LRP4: variants seen among roughly 807,000 people sequenced by gnomAD.
The protein encoded by LRP4 is LDL receptor related protein 4.
LRP4 carries 95 observed loss-of-function variants against 220.3 expected under a neutral mutation model. The ratio of observed to expected loss-of-function variants is 0.43; its 90% CI spans 0.37 to 0.51. LRP4 has a LOEUF of 0.51. LRP4 is among the 20% of genes least tolerant of loss of function. The pLI, the probability that LRP4 is intolerant of heterozygous loss-of-function variation, is 0.00. For missense variants in LRP4, 1,925 were observed against 2,567.0 expected, an observed-to-expected ratio of 0.75 and a Z score of 5.40; for synonymous variants, 903 against 954.6, an observed-to-expected ratio of 0.95 and a Z score of 1.00.
At chr11:46,916,275 GA>G (rs200125265) in intron 1 of LRP4, among the ~76,000 whole-genome samples, 2 of 149,494 alleles carry the variant, frequency 1.3e-5, no homozygotes, top group East Asian at 2.0e-4. Flanking sequence ...CCCATCTCTA[GA>G]AAAAAAAACA....
rs542223458 is a variant in LRP4, at chr11:46,900,051, G to A, written c.317-75C>T. 1.6e-5 allele frequency: 20 copies of A among 1,263,986 alleles called. 1 individual carries two copies. The highest frequency in any genetic ancestry group is 1.4e-4 in the East Asian group (6 of 43,090). The allele number at this position is 1,263,986 out of a possible 1,614,324, so 78.3% of individuals were successfully genotyped here. On this transcript the variant is annotated intron_variant, in intron 3 of 37. Coordinates refer to ENST00000378623, the MANE Select transcript of LRP4 (RefSeq NM_002334.4). Reference sequence around the variant, plus strand: ...CTGGAAGCCTGACTTAAAGCCCTCCGGAGCAGTCAAGTAGCTCCAGTGCTG... The same window carrying A: ...CTGGAAGCCTGACTTAAAGCCCTCCAGAGCAGTCAAGTAGCTCCAGTGCTG...
chr11:46,879,349 A>G, intron 20 of LRP4, 34 bp from the exon 21 acceptor site: 1 of 1,610,492 alleles, frequency 6.2e-7, no homozygotes, highest in Middle Eastern at 1.7e-4. Flanking sequence ...CATCTTCAAC[A>G]AAGTCTGACA....
chr11:46,880,372 A>G (rs1281798562), intron 20 of LRP4, among the ~76,000 whole-genome samples: 7 of 151,520 alleles, frequency 4.6e-5, no homozygotes, highest in Non-Finnish European at 8.8e-5. Context: ...AGGTCAAAGC[A>G]GGAGGATTGC....
intron 7 of LRP4, 64 bp from the exon 8 acceptor site, chr11:46,897,058 C>T: frequency 6.2e-7 from 1 of 1,608,910 alleles, no homozygotes; most frequent in South Asian, 1.1e-5. Flanking sequence ...TCCCTGCCAC[C>T]CAAATCTGCA....
chr11:46,874,911 T>C lies in LRP4; in HGVS notation c.4118A>G (p.Asp1373Gly), dbSNP rs752338560. ...SIRRISLDTS[D>G]HTDVHVPVPE... The stretch of plus-strand genomic sequence containing the variant: ...AACAGGGACATGCACATCGGTGTGG[T>C]CACTGGTGTCCAGTGAGATACGCCG... The change falls in exon 28 of 38, where the codon GAC becomes GGC. Residue 1373 changes from aspartate (D) to glycine (G), a missense_variant. Physicochemically the swap from Asp to Gly is moderately conservative, Grantham distance 94. This residue lies in a region of LRP4 where 1,244 missense variants were observed against 1,624.9 expected (regional missense o/e 0.77). Transcript: ENST00000378623. 1.5e-5 allele frequency: 24 copies of C among 1,614,008 alleles called. No homozygotes were observed. The highest frequency in any genetic ancestry group is 2.0e-5 in the Non-Finnish European group (24 of 1,180,024).
chr11:46,885,902 T>C (rs1374016957), intron 18 of LRP4, among the ~76,000 whole-genome samples, 189 bp downstream of exon 18: 2 of 151,976 alleles, frequency 1.3e-5, no homozygotes, highest in East Asian at 3.9e-4. Context: ...GCTGCCACAA[T>C]GTGAGCTTCT....
intron 16 of LRP4, 37 bp from the exon 17 acceptor site, chr11:46,886,570 C>G: frequency 6.4e-7 from 1 of 1,559,164 alleles, no homozygotes; most frequent in Non-Finnish European, 8.8e-7. Context: ...TTTTAATGCT[C>G]TAAATCCAAG....
In LRP4 at chr11:46,902,805, G is replaced by T; in HGVS notation, c.177C>A (p.Asp59Glu). The change falls in exon 2 of 38, where the codon GAC (aspartate) becomes GAA (glutamate). Residue 59 changes from aspartate to glutamate, a missense_variant. Asp to Glu is a conservative substitution (Grantham distance 45). Transcript: ENST00000378623. ...WQCDGDNDCG[D>E]HSDEDGCILP... ...TACTACATCCATCCTCATCGCTGTG[G>T]TCCCCGCAGTCATTGTCTCCATCAC... The T allele has an allele frequency of 2.5e-6, 4 of 1,614,084 alleles. No individual in the cohort carries two copies. Among genetic ancestry groups the T allele is most frequent in the Non-Finnish European group, 3.4e-6 (4 of 1,180,038 alleles).
chr11:46,877,240 G>T lies in LRP4; in HGVS notation c.3236C>A (p.Thr1079Asn), dbSNP rs1381410610. 1.2e-6 allele frequency: 2 copies of T among 1,613,970 alleles called. No homozygotes were observed. The highest frequency in any genetic ancestry group is 2.7e-5 in the African/African-American group (2 of 75,014). ...FADVVVPINITMKNTIAIGVD... is the reference protein window; with the variant it reads ...FADVVVPININMKNTIAIGVD... ...TCCAATGGCAATGGTGTTCTTCATG[G>T]TAATGTTGATTGGTACCACCACATC... is the stretch of plus-strand genomic sequence containing the variant. Residue 1079 changes from threonine to asparagine, a missense_variant, in exon 23 of 38, where the codon ACC (threonine) becomes AAC (asparagine). By Grantham distance (65) the Thr-to-Asn change is moderately conservative (BLOSUM62 0). Transcript: ENST00000378623.
chr11:46,893,961 G>A (rs1360174351), intron 12 of LRP4, among the ~76,000 whole-genome samples: 3 of 145,214 alleles, frequency 2.1e-5, no homozygotes, highest in South Asian at 2.2e-4. Context: ...GCGTGATCTC[G>A]GCTCACCGCA....
Position 46,878,970 on chromosome 11 carries a change from C to G in LRP4, c.3073G>C (p.Gly1025Arg), listed in dbSNP as rs141565454. The G allele has an allele frequency of 5.7e-5, 92 of 1,614,212 alleles. No individual in the cohort carries two copies. Among genetic ancestry groups the G allele is most frequent in the Middle Eastern group, 1.6e-4 (1 of 6,062 alleles). ...CCTGTGGGGCAGGTACAGCTGAATC[C>G]GCTTGGATTTGGGGACCTAAGACAC... is the stretch of plus-strand genomic sequence containing the variant. The part of the protein sequence containing the change: ...HLCLRSPNPS[G>R]FSCTCPTGIN... Residue 1025 changes from glycine (G) to arginine (R), a missense_variant, in exon 22 of 38, where the codon GGA becomes CGA. Physicochemically the swap from Gly to Arg is moderately radical, Grantham distance 125. This residue lies in a region of LRP4 where 1,244 missense variants were observed against 1,624.9 expected (regional missense o/e 0.77). Transcript: ENST00000378623.
At chr11:46,896,054 A>G (rs1442755187) in intron 9 of LRP4, 36 bp from the exon 10 acceptor site, 2 of 1,613,882 alleles carry the variant, frequency 1.2e-6, no homozygotes, top group Non-Finnish European at 1.7e-6. Flanking sequence ...AGTTGAGCCC[A>G]GAATCCTCCC....
At chr11:46,889,371 C>A (rs764429226) in intron 16 of LRP4, 40 bp downstream of exon 16, 55 of 1,612,352 alleles carry the variant, frequency 3.4e-5, no homozygotes, top group Non-Finnish European at 4.5e-5. Context: ...CCCATCCTCA[C>A]AACAGCCTCC....
chr11:46,886,324 C>A lies in LRP4; in HGVS notation c.2424+1G>T. The A allele has an allele frequency of 6.3e-7, 1 of 1,584,510 alleles. No individual in the cohort carries two copies. Among genetic ancestry groups the A allele is most frequent in the Non-Finnish European group, 8.6e-7 (1 of 1,164,092 alleles). On this transcript the variant is annotated splice_donor_variant, in intron 17 of 37. Coordinates refer to ENST00000378623, the MANE Select transcript of LRP4 (RefSeq NM_002334.4). LOFTEE classifies it high-confidence loss of function. ...TTCAACCTCCCCACGCTGGGCCCTACCTCCTGTCCTGTTCCATCCCACTTG... is the reference window on the plus strand; with the variant it reads ...TTCAACCTCCCCACGCTGGGCCCTAACTCCTGTCCTGTTCCATCCCACTTG...
chr11:46,907,126 G>A (rs1941774823), intron 1 of LRP4, among the ~76,000 whole-genome samples: 1 of 152,114 alleles, frequency 6.6e-6, no homozygotes, highest in Admixed American at 6.5e-5. Context: ...AAATGACTGT[G>A]GGTGGCAAAA....
rs753672116 is a variant in LRP4, at chr11:46,890,051, C to T, written c.1985G>A (p.Ser662Asn). 1.1e-5 allele frequency: 18 copies of T among 1,614,022 alleles called. No individual in the cohort carries two copies. Among genetic ancestry groups the T allele is most frequent in the Non-Finnish European group, 4.2e-6 (5 of 1,180,036 alleles). ...SLYWTDWHTK[S>N]INSANKFTGK... is the part of the protein sequence containing the mutation. ...CGTAAATTTGTTAGCGCTATTGATG[C>T]TCTTGGTGTGCCAGTCTGTCCAGTA... Residue 662 changes from serine to asparagine, a missense_variant, in exon 15 of 38, where the codon AGC becomes AAC. This residue lies in a region of LRP4 where 269 missense variants were observed against 436.7 expected (regional missense o/e 0.62). Transcript: ENST00000378623. This position sits in a 1 kb window ranked among gnomAD's most constrained non-coding sequence, Gnocchi z 5.3.
At chr11:46,885,116 G>A (rs1466315365) in intron 18 of LRP4, among the ~76,000 whole-genome samples, 1 of 151,976 alleles carries the variant, frequency 6.6e-6, no homozygotes, top group Non-Finnish European at 1.5e-5. Context: ...CTCCCAAGTA[G>A]CTGGGACTAC....
At chr11:46,887,132 A>G (rs7118042) in intron 16 of LRP4, among the ~76,000 whole-genome samples, 151,502 of 152,304 alleles carry the variant, frequency 0.99, 75,357 homozygotes, top group Middle Eastern at 1. Context: ...CACCAGAGCT[A>G]GGACTCAGAT....
At chr11:46,880,168 G>A (rs1240680625) in intron 20 of LRP4, among the ~76,000 whole-genome samples, 1 of 151,994 alleles carries the variant, frequency 6.6e-6, no homozygotes, top group Non-Finnish European at 1.5e-5. Context: ...CTGAGGAAAT[G>A]TTCCAGATTA....
Sources: allele counts gnomAD v4.1 joint callset (sites outside exome capture counted in the v4.1 genomes callset), GRCh38; gene constraint gnomAD v4.1.1; regional missense constraint gnomAD v4.1.1; non-coding constraint Gnocchi (gnomAD v3.1); transcripts MANE v1.5; gene names NCBI Gene and HGNC (gene_info 2026-07-23, HGNC 2026-07-21).